Variants in PRELID2 observed in about 807,000 individuals in gnomAD.
PRELID2 encodes PRELI domain containing 2, also known as PRELI domain-containing protein 2.
In PRELID2, 25 loss-of-function variants were observed where a neutral mutation model predicts 28.4. The ratio of observed to expected loss-of-function variants is 0.88; its 90% CI spans 0.64 to 1.23. The LOEUF (loss-of-function observed/expected upper bound fraction) is 1.23. PRELID2 is among the 50% of genes most tolerant of loss of function. The pLI, the probability that PRELID2 is intolerant of heterozygous loss-of-function variation, is 0.00. For missense variants in PRELID2, 201 were observed against 214.4 expected (o/e 0.94, Z 0.39); for synonymous variants, 76 against 71.6 (o/e 1.06, Z -0.31).
chr5:145,325,030 T>A, the PRELID2 span, among the ~76,000 whole-genome samples: 1 of 152,216 alleles, frequency 6.6e-6, no homozygotes, highest in African/African-American at 2.4e-5. Context: ...AAAACCAGAA[T>A]AATTTCTGTA....
intron 1 of PRELID2, among the ~76,000 whole-genome samples, chr5:145,607,225 TTG>T (rs1753518637): frequency 6.6e-6 from 1 of 152,136 alleles, no homozygotes. Context: ...TGTATGATTT[TTG>T]TGTGTGTCTC....
rs964482306 is a variant in PRELID2, at chr5:145,604,934, G to GTA, written n.71-131621_71-131620dup. ...TTGAATTATATATATATATTCTTCT[G>GTA]TATATATATATATTATTTTGAATAT... On this transcript the variant is annotated intron_variant and non_coding_transcript_variant, in intron 1 of 2. Coordinates refer to the PRELID2 transcript ENST00000510259. Among the ~76,000 whole-genome samples, 395 of 130,652 alleles carry GTA rather than the reference G, an allele frequency of 3.0e-3. 2 individuals are homozygous for GTA. The highest frequency in any genetic ancestry group is 5.1e-3 in the Non-Finnish European group (327 of 63,858). The allele number at this position is 130,652 out of a possible 152,430, so 85.7% of individuals were successfully genotyped here. A position where few individuals can be genotyped will look rare whatever the true frequency, so the allele number is the denominator to read the frequency against.
intron 1 of PRELID2, among the ~76,000 whole-genome samples, chr5:145,745,710 A>T (rs930605216): frequency 7.9e-5 from 12 of 152,158 alleles, no homozygotes; most frequent in African/African-American, 2.7e-4. Context: ...AAAAATAGAA[A>T]CAATTAGCTG....
chr5:145,405,895 C>T, the PRELID2 span, among the ~76,000 whole-genome samples: 882 of 151,696 alleles, frequency 5.8e-3, 5 homozygotes, highest in African/African-American at 0.019. Flanking sequence ...TTAGTAGAGA[C>T]GGGGTTTCAC....
intron 1 of PRELID2, among the ~76,000 whole-genome samples, chr5:145,674,563 T>C (rs932827136): frequency 3.3e-5 from 5 of 152,208 alleles, no homozygotes; most frequent in South Asian, 4.1e-4. Context: ...GGTATTGAGA[T>C]ACCTGGTAAG....
At chr5:145,830,733 T>C (rs1321670503) in intron 1 of PRELID2, among the ~76,000 whole-genome samples, 1 of 152,246 alleles carries the variant, frequency 6.6e-6, no homozygotes, top group Non-Finnish European at 1.5e-5. Context: ...AGAAATATTG[T>C]ATTTTAGGAA....
chr5:145,612,595 T>C (rs1753632721), intron 1 of PRELID2, among the ~76,000 whole-genome samples: 1 of 152,128 alleles, frequency 6.6e-6, no homozygotes, highest in East Asian at 1.9e-4. Flanking sequence ...TTAGTAGCCT[T>C]TTATCCCTCG....
chr5:145,560,948 G>A (rs1169129079), intron 1 of PRELID2, among the ~76,000 whole-genome samples: 1 of 151,804 alleles, frequency 6.6e-6, no homozygotes, highest in African/African-American at 2.4e-5. Context: ...TTACCATCCC[G>A]ACCTCATTTC....
intron 1 of PRELID2, among the ~76,000 whole-genome samples, chr5:145,650,326 G>A (rs1473678748): frequency 6.6e-6 from 1 of 151,706 alleles, no homozygotes; most frequent in Non-Finnish European, 1.5e-5. Flanking sequence ...TCACCTCTAT[G>A]GGATTCTCTG....
At chr5:145,329,117 T>C in the PRELID2 span, among the ~76,000 whole-genome samples, 2 of 152,220 alleles carry the variant, frequency 1.3e-5, no homozygotes, top group Non-Finnish European at 2.9e-5. Context: ...AAGCCTCTGT[T>C]CTGTTCCATT....
the PRELID2 span, among the ~76,000 whole-genome samples, chr5:145,360,240 G>A: frequency 1.3e-5 from 2 of 152,168 alleles, no homozygotes; most frequent in African/African-American, 2.4e-5. Flanking sequence ...AGGGTAGGTC[G>A]GCACCACCAC....
chr5:145,741,993 A>AT lies in PRELID2; in HGVS notation n.70+22937dup, dbSNP rs1340502848. On this transcript the variant is annotated intron_variant and non_coding_transcript_variant, in intron 1 of 2. Coordinates refer to the PRELID2 transcript ENST00000510259. ...AAATTTATTTAATTATAATAAATTT[A>AT]TTATAAATAATAAATTTATTATAAG... Among the ~76,000 whole-genome samples, 444 of 56,172 alleles carry AT rather than the reference A, an allele frequency of 7.9e-3. 6 individuals carry two copies. Among genetic ancestry groups the AT allele is most frequent in the African/African-American group, 0.025 (432 of 17,418 alleles). The allele number at this position is 56,172 out of a possible 152,430, so 36.9% of individuals were successfully genotyped here.
At chr5:145,787,659 C>T (rs751219085) in intron 5 of PRELID2, among the ~76,000 whole-genome samples, 4 of 151,940 alleles carry the variant, frequency 2.6e-5, no homozygotes, top group Non-Finnish European at 5.9e-5. Flanking sequence ...CCCACCTCAG[C>T]CCCCGGAGCA....
the PRELID2 span, among the ~76,000 whole-genome samples, chr5:145,418,416 A>T: frequency 3.9e-4 from 59 of 152,322 alleles, no homozygotes; most frequent in African/African-American, 1.4e-3. Flanking sequence ...GAACCAAAAA[A>T]TAGCCCAGAT....
chr5:145,723,689 T>C (rs1034717573), intron 1 of PRELID2, among the ~76,000 whole-genome samples: 2 of 152,206 alleles, frequency 1.3e-5, no homozygotes, highest in African/African-American at 4.8e-5. Context: ...GTTTAAAAGC[T>C]TGGCAACACA....
intron 4 of PRELID2, among the ~76,000 whole-genome samples, chr5:145,811,578 T>C (rs1581251283): frequency 6.6e-6 from 1 of 152,178 alleles, no homozygotes; most frequent in East Asian, 1.9e-4. Context: ...GAGCCATGCC[T>C]GGAGCAGAGG....
the PRELID2 span, among the ~76,000 whole-genome samples, chr5:145,356,134 T>G: frequency 1.3e-5 from 2 of 152,150 alleles, no homozygotes; most frequent in African/African-American, 4.8e-5. Context: ...AACACTGGCC[T>G]CATTCGAACA....
chr5:145,681,856 C>A (rs1212894394), intron 1 of PRELID2, among the ~76,000 whole-genome samples: 1 of 152,198 alleles, frequency 6.6e-6, no homozygotes, highest in Non-Finnish European at 1.5e-5. Context: ...AATATTGCAT[C>A]ATACCCAGCT....
chr5:145,476,957 T>A (rs1339639754), intron 1 of PRELID2, among the ~76,000 whole-genome samples: 1 of 152,196 alleles, frequency 6.6e-6, no homozygotes, highest in Non-Finnish European at 1.5e-5. Context: ...TAATAATTAA[T>A]AGTAGCTCAT....
Sources: allele counts gnomAD v4.1 joint callset (sites outside exome capture counted in the v4.1 genomes callset), GRCh38; gene constraint gnomAD v4.1.1; transcripts MANE v1.5; gene names NCBI Gene and HGNC (gene_info 2026-07-23, HGNC 2026-07-21).